The following EPHB2 variants were observed in gnomAD, a reference collection of about 807,000 sequenced individuals.
EPHB2 encodes ephrin type-B receptor 2.
EPHB2 carries 18 observed loss-of-function variants against 96.4 expected under a neutral mutation model. The observed-to-expected ratio is 0.19, with a 90% confidence interval of 0.13 to 0.28. The LOEUF (loss-of-function observed/expected upper bound fraction) is 0.28. Ranked by LOEUF, EPHB2 falls within the 10% of genes least tolerant of loss-of-function variation. EPHB2 has a pLI of 1.00. For missense variants in EPHB2, 989 were observed against 1,355.4 expected, an observed-to-expected ratio of 0.73 and a Z score of 4.25; for synonymous variants, 506 against 534.1, an observed-to-expected ratio of 0.95 and a Z score of 0.72.
chr1:22,778,984 T>TC (rs1244398761), intron 1 of EPHB2, among the ~76,000 whole-genome samples: 1 of 152,198 alleles, frequency 6.6e-6, no homozygotes, highest in Non-Finnish European at 1.5e-5. Context: ...TGGGGCCACC[T>TC]GCTTGGCAGC....
chr1:22,796,087 C>T (rs1212295866), intron 3 of EPHB2, among the ~76,000 whole-genome samples: 1 of 152,208 alleles, frequency 6.6e-6, no homozygotes, highest in Non-Finnish European at 1.5e-5. Context: ...TCTGTGAGCT[C>T]AGCACCATCC....
chr1:22,788,183 T>A (rs1414271165), intron 3 of EPHB2, among the ~76,000 whole-genome samples: 1 of 152,172 alleles, frequency 6.6e-6, no homozygotes, highest in African/African-American at 2.4e-5. Context: ...TGGGGCCATG[T>A]TAGAGGCTGC....
intron 1 of EPHB2, among the ~76,000 whole-genome samples, chr1:22,735,427 A>G (rs1643805978): frequency 7.0e-6 from 1 of 142,926 alleles, no homozygotes; most frequent in Non-Finnish European, 1.5e-5. Flanking sequence ...CAACAGAGTG[A>G]GACCCGGTAT....
At chr1:22,774,846 C>T (rs1399593753) in intron 1 of EPHB2, among the ~76,000 whole-genome samples, 1 of 152,170 alleles carries the variant, frequency 6.6e-6, no homozygotes, top group Non-Finnish European at 1.5e-5. Flanking sequence ...TGGATGCAGA[C>T]CTCCCCTACA....
chr1:22,711,644 C>G (rs982262385), intron 1 of EPHB2, among the ~76,000 whole-genome samples: 1 of 151,978 alleles, frequency 6.6e-6, no homozygotes, highest in Non-Finnish European at 1.5e-5. Context: ...GTCCCCTCCC[C>G]GAGAGGACTG....
At chr1:22,898,932 C>G (rs1234071669) in intron 9 of EPHB2, among the ~76,000 whole-genome samples, 1 of 152,078 alleles carries the variant, frequency 6.6e-6, no homozygotes, top group Non-Finnish European at 1.5e-5. Context: ...TTGGGGCTGG[C>G]CAGGCACGGT....
intron 1 of EPHB2, among the ~76,000 whole-genome samples, chr1:22,753,079 C>T (rs55798378): frequency 0.12 from 18,051 of 150,538 alleles, 1,444 homozygotes; most frequent in Non-Finnish European, 0.17. Flanking sequence ...CTACACCTGG[C>T]CCAGGCTGAT....
chr1:22,910,463 T>G lies in EPHB2; in HGVS notation c.2584T>G (p.Cys862Gly). ...CGCCCTGCACCAACTCATGCTGGAC[T>G]GTTGGCAGAAGGACCGCAACCACCG... ...PSALHQLMLD[C>G]WQKDRNHRPK... The change falls in exon 14 of 16, where the codon TGT (cysteine) becomes GGT (glycine). Residue 862 changes from cysteine to glycine, a missense_variant. Physicochemically the swap from Cys to Gly is radical, Grantham distance 159. Coordinates refer to ENST00000374630, the MANE Select transcript of EPHB2 (RefSeq NM_017449.5). 6.2e-7 allele frequency: 1 copy of G among 1,614,208 alleles called. No individual in the cohort carries two copies. Among genetic ancestry groups the G allele is most frequent in the Non-Finnish European group, 8.5e-7 (1 of 1,180,016 alleles).
At chr1:22,780,470 G>A (rs1644513052) in intron 1 of EPHB2, among the ~76,000 whole-genome samples, 1 of 152,228 alleles carries the variant, frequency 6.6e-6, no homozygotes, top group African/African-American at 2.4e-5. Flanking sequence ...TGAGCCCTGG[G>A]GGAGGGGCCC....
intron 1 of EPHB2, among the ~76,000 whole-genome samples, chr1:22,727,007 A>G (rs1313841209): frequency 3.3e-5 from 5 of 152,242 alleles, no homozygotes. Context: ...GGTGAACCAA[A>G]GTGTGAGAAA....
At chr1:22,738,271 CT>C (rs1643867167) in intron 1 of EPHB2, among the ~76,000 whole-genome samples, 1 of 152,156 alleles carries the variant, frequency 6.6e-6, no homozygotes, top group Admixed American at 6.5e-5. Flanking sequence ...ATTCCTGGCT[CT>C]GTGCTTATCT....
At position 22,906,224 on chromosome 1, in the gene EPHB2, C is replaced by T; in HGVS notation, c.1888+115C>T. Reference sequence around the variant, plus strand: ...TGTGGGACAGGCGCCTCAAAGGACCCCCCAAGGCCTGAAGGTTCAGAATGA... The same window carrying T: ...TGTGGGACAGGCGCCTCAAAGGACCTCCCAAGGCCTGAAGGTTCAGAATGA... On this transcript the variant is annotated intron_variant, in intron 10 of 15. Coordinates refer to ENST00000374630, the MANE Select transcript of EPHB2 (RefSeq NM_017449.5). This position sits in a 1 kb window ranked among gnomAD's most constrained non-coding sequence, Gnocchi z 4.8. The T allele has an allele frequency of 1.3e-6, 2 of 1,508,032 alleles. No homozygotes were observed. The highest frequency in any genetic ancestry group is 1.8e-6 in the Non-Finnish European group (2 of 1,104,098). 93.4% of individuals were successfully genotyped at this position (1,508,032 alleles called of 1,614,324 possible).
chr1:22,716,777 G>A (rs1643305432), intron 1 of EPHB2, among the ~76,000 whole-genome samples: 2 of 152,208 alleles, frequency 1.3e-5, no homozygotes, highest in African/African-American at 4.8e-5. Flanking sequence ...AACAGGAAGG[G>A]GCAGATGGAG....
At position 22,890,580 on chromosome 1, in the gene EPHB2, C is replaced by T. The variant is rs1639358646; in HGVS notation, c.1429-2304C>T. On this transcript the variant is annotated intron_variant, in intron 6 of 15. Coordinates refer to ENST00000374630, the MANE Select transcript of EPHB2 (RefSeq NM_017449.5). ...TTTGAGATCCCATTCCAGTGACCCC[C>T]ACTCACGAGGGAGCTTTCCTGACTT... 5.3e-5 allele frequency among the ~76,000 whole-genome samples: 8 copies of T among 152,280 alleles called. No homozygotes were observed. In the South Asian group the frequency reaches 1.7e-3, roughly 32 times the overall value.
chr1:22,882,592 G>A (rs1358686282), intron 6 of EPHB2, 109 bp downstream of exon 6: 11 of 1,546,938 alleles, frequency 7.1e-6, no homozygotes, highest in Non-Finnish European at 9.7e-6. Context: ...CACTGGTGCA[G>A]CAGAAAGAGC....
chr1:22,796,730 A>G (rs945720512), intron 3 of EPHB2, among the ~76,000 whole-genome samples: 18 of 152,364 alleles, frequency 1.2e-4, no homozygotes, highest in African/African-American at 4.3e-4. Flanking sequence ...TGTAAGTAAC[A>G]GAATAAGAAT....
chr1:22,782,469 C>G (rs977299897), intron 2 of EPHB2, among the ~76,000 whole-genome samples: 1 of 151,036 alleles, frequency 6.6e-6, no homozygotes, highest in East Asian at 2.0e-4. Context: ...CCCCCCACCC[C>G]CCAGGCCTGT....
Position 22,818,990 on chromosome 1 carries a change from C to G in EPHB2, c.811+33914C>G, listed in dbSNP as rs1299658339. Among the ~76,000 whole-genome samples, 5 of 151,812 alleles carry G rather than the reference C, an allele frequency of 3.3e-5. No individual in the cohort carries two copies. The South Asian group carries it at 6.3e-4, about 19-fold the overall frequency. On this transcript the variant is annotated intron_variant, in intron 3 of 15. Coordinates refer to ENST00000374630, the MANE Select transcript of EPHB2 (RefSeq NM_017449.5). ...CCCCCCAACCCCAACCTAGGCTCCCCCCTCCCAGGGGAATTCTTACTTCCT... is the reference window on the plus strand; with the variant it reads ...CCCCCCAACCCCAACCTAGGCTCCCGCCTCCCAGGGGAATTCTTACTTCCT...
intron 1 of EPHB2, among the ~76,000 whole-genome samples, chr1:22,716,034 T>C (rs182771334): frequency 5.3e-5 from 8 of 152,288 alleles, no homozygotes; most frequent in African/African-American, 1.4e-4. Context: ...CAGCCTTCAG[T>C]GTCTCCCCTA....
Sources: allele counts gnomAD v4.1 joint callset (sites outside exome capture counted in the v4.1 genomes callset), GRCh38; gene constraint gnomAD v4.1.1; non-coding constraint Gnocchi (gnomAD v3.1); transcripts MANE v1.5; gene names NCBI Gene and HGNC (gene_info 2026-07-23, HGNC 2026-07-21).